The following IMMP2L variants were observed in gnomAD, a reference collection of about 807,000 sequenced individuals.
IMMP2L encodes mitochondrial inner membrane protease subunit 2.
Under a neutral mutation model 19.3 loss-of-function variants are expected in IMMP2L, and 18 were observed. The ratio of observed to expected loss-of-function variants is 0.93; its 90% CI spans 0.64 to 1.38. IMMP2L has a LOEUF of 1.38. Ranked by LOEUF, IMMP2L falls within the 40% of genes most tolerant of loss-of-function variation. The pLI is 0.00. For synonymous variants in IMMP2L, 76 were observed against 73.0 expected (o/e 1.04, Z -0.21); for missense variants, 233 against 218.2 (o/e 1.07, Z -0.43).
chr7:111,283,198 C>T (rs181644823), intron 3 of IMMP2L, among the ~76,000 whole-genome samples: 1 of 152,132 alleles, frequency 6.6e-6, no homozygotes, highest in African/African-American at 2.4e-5. Context: ...AGAAATTAAC[C>T]TACTCCTATG....
chr7:110,777,422 C>T (rs1249724261), intron 5 of IMMP2L, among the ~76,000 whole-genome samples: 3 of 151,934 alleles, frequency 2.0e-5, no homozygotes, highest in South Asian at 2.1e-4. Flanking sequence ...AAACCTGCTA[C>T]TAATGCATAT....
At chr7:110,692,828 C>G (rs2130558698) in intron 5 of IMMP2L, among the ~76,000 whole-genome samples, 1 of 152,192 alleles carries the variant, frequency 6.6e-6, no homozygotes, top group East Asian at 1.9e-4. Flanking sequence ...CTGCTAGGCC[C>G]AATGTGACTG....
intron 5 of IMMP2L, among the ~76,000 whole-genome samples, chr7:110,878,553 T>C (rs914884909): frequency 2.4e-5 from 3 of 123,882 alleles, no homozygotes; most frequent in East Asian, 7.4e-4. Context: ...TACATTTTCA[T>C]TAACATATAT....
At position 111,414,883 on chromosome 7, in the gene IMMP2L, G is replaced by A. The variant is rs184568486; in HGVS notation, c.239+72355C>T. ...CTTCCTGTAGTGGGCAGAATTCTAAGGTGGCATCCCAGATTCCTGCCCACT... is the reference window on the plus strand; with the variant it reads ...CTTCCTGTAGTGGGCAGAATTCTAAAGTGGCATCCCAGATTCCTGCCCACT... On this transcript the variant is annotated intron_variant, in intron 3 of 5. Coordinates refer to ENST00000405709, the MANE Select transcript of IMMP2L (RefSeq NM_032549.4). Among the ~76,000 whole-genome samples the A allele has an allele frequency of 6.0e-4, 91 of 151,804 alleles. 5 individuals carry two copies. The highest frequency in any genetic ancestry group is 2.1e-3 in the African/African-American group (85 of 41,192).
intron 2 of IMMP2L, among the ~76,000 whole-genome samples, chr7:111,503,470 G>T (rs371608082): frequency 5.9e-5 from 9 of 151,824 alleles, no homozygotes; most frequent in East Asian, 1.9e-4. Context: ...ACTCATTTTA[G>T]GAGGCCAGCA....
At chr7:110,702,374 T>G (rs1794344837) in intron 5 of IMMP2L, among the ~76,000 whole-genome samples, 1 of 152,178 alleles carries the variant, frequency 6.6e-6, no homozygotes. Context: ...TTTGAATAAG[T>G]GGTTACTTAT....
intron 3 of IMMP2L, among the ~76,000 whole-genome samples, chr7:111,395,601 TC>T (rs1250553270): frequency 2.0e-5 from 3 of 152,194 alleles, no homozygotes; most frequent in Non-Finnish European, 2.9e-5. Flanking sequence ...ACATATGTAA[TC>T]TTTCTTTATT....
chr7:110,884,451 C>T (rs1158714045), intron 5 of IMMP2L, among the ~76,000 whole-genome samples: 2 of 151,964 alleles, frequency 1.3e-5, no homozygotes, highest in African/African-American at 4.8e-5. Context: ...TTAAAATAAA[C>T]TTATGAAAGA....
At chr7:110,875,766 G>C (rs1251059173) in intron 5 of IMMP2L, among the ~76,000 whole-genome samples, 1 of 152,104 alleles carries the variant, frequency 6.6e-6, no homozygotes, top group East Asian at 1.9e-4. Flanking sequence ...GGAGGTCTAA[G>C]TAAAACTTCA....
chr7:111,488,079 G>C (rs926055482), intron 2 of IMMP2L, among the ~76,000 whole-genome samples: 4 of 152,142 alleles, frequency 2.6e-5, no homozygotes, highest in East Asian at 3.8e-4. Context: ...CTGTCATTTG[G>C]ACAGGGGTAC....
chr7:111,292,554 C>T lies in IMMP2L; in HGVS notation c.239+194684G>A, dbSNP rs570692705. On this transcript the variant is annotated intron_variant, in intron 3 of 5. Coordinates refer to ENST00000405709, the MANE Select transcript of IMMP2L (RefSeq NM_032549.4). Reference sequence around the variant, plus strand: ...TTTTGTTTTCCAGAGTACTGGCATCCTAGCCTGGTTCAAAGAAATTGACAT... The same window carrying T: ...TTTTGTTTTCCAGAGTACTGGCATCTTAGCCTGGTTCAAAGAAATTGACAT... Among the ~76,000 whole-genome samples the T allele has an allele frequency of 5.9e-5, 9 of 151,974 alleles. No homozygotes were observed. The East Asian group carries it at 1.7e-3, about 29-fold the overall frequency.
In IMMP2L at chr7:111,384,153, T is replaced by A. The variant is rs148125836; in HGVS notation, c.239+103085A>T. Among the ~76,000 whole-genome samples the A allele has an allele frequency of 1.7e-3, 243 of 143,590 alleles. 1 individual carries two copies. Among genetic ancestry groups the A allele is most frequent in the African/African-American group, 6.1e-3 (229 of 37,240 alleles). The allele number at this position is 143,590 out of a possible 152,430, so 94.2% of individuals were successfully genotyped here. ...AGTGAGAGCCCCCATCTCTAAATGA[T>A]GAAGAAGAAGGAGGAGAAAGGAGGA... On this transcript the variant is annotated intron_variant, in intron 3 of 5. Coordinates refer to ENST00000405709, the MANE Select transcript of IMMP2L (RefSeq NM_032549.4).
chr7:111,031,896 A>T (rs1199819489), intron 3 of IMMP2L, among the ~76,000 whole-genome samples: 1 of 151,818 alleles, frequency 6.6e-6, no homozygotes, highest in Non-Finnish European at 1.5e-5. Flanking sequence ...CTCCAGAAAA[A>T]ACCTATAATG....
At chr7:111,542,651 C>T (rs1848593893) in intron 1 of IMMP2L, among the ~76,000 whole-genome samples, 1 of 152,280 alleles carries the variant, frequency 6.6e-6, no homozygotes, top group Non-Finnish European at 1.5e-5. Context: ...ACTGCTACTG[C>T]AGCATTCAGA....
chr7:110,797,630 A>G (rs888191146), intron 5 of IMMP2L, among the ~76,000 whole-genome samples: 2 of 152,006 alleles, frequency 1.3e-5, no homozygotes, highest in African/African-American at 4.8e-5. Flanking sequence ...ACTGGGTACT[A>G]GTATAAGAAT....
intron 3 of IMMP2L, among the ~76,000 whole-genome samples, chr7:111,198,251 A>T (rs1410660313): frequency 6.6e-6 from 1 of 152,184 alleles, no homozygotes; most frequent in African/African-American, 2.4e-5. Flanking sequence ...ATCTGATGTG[A>T]CAATTCCTCT....
intron 3 of IMMP2L, chr7:111,091,063 T>C (rs1268861715): frequency 6.6e-6 from 1 of 152,328 alleles, no homozygotes; most frequent in South Asian, 2.1e-4. Context: ...TCTGAAGCGA[T>C]TGGCTCCTCT....
At chr7:111,112,500 CA>C (rs1464717092) in intron 3 of IMMP2L, among the ~76,000 whole-genome samples, 3 of 152,168 alleles carry the variant, frequency 2.0e-5, no homozygotes, top group Non-Finnish European at 2.9e-5. Context: ...AACATGCACA[CA>C]GCCATAAATA....
intron 3 of IMMP2L, among the ~76,000 whole-genome samples, chr7:111,341,746 A>G (rs893053984): frequency 1.3e-5 from 2 of 152,210 alleles, no homozygotes; most frequent in Non-Finnish European, 2.9e-5. Flanking sequence ...TCTTCCAAAA[A>G]GCAAGTTTTA....
Sources: allele counts gnomAD v4.1 joint callset (sites outside exome capture counted in the v4.1 genomes callset), GRCh38; gene constraint gnomAD v4.1.1; transcripts MANE v1.5; gene names NCBI Gene and HGNC (gene_info 2026-07-23, HGNC 2026-07-21).